ATP2C2: variants seen among roughly 807,000 people sequenced by gnomAD.
ATP2C2 encodes ATPase secretory pathway Ca2+ transporting 2.
Under a neutral mutation model 110.8 loss-of-function variants are expected in ATP2C2, and 171 were observed. That is an observed-to-expected ratio of 1.54 (90% CI 1.36 to 1.75). The LOEUF (loss-of-function observed/expected upper bound fraction) is 1.75. ATP2C2 is among the 40% of genes most tolerant of loss of function. ATP2C2 has a pLI of 0.00. For synonymous variants in ATP2C2, 804 were observed against 508.4 expected (o/e 1.58, Z -7.82); for missense variants, 1,963 against 1,235.0 (o/e 1.59, Z -8.84).
rs563419633 is a variant in ATP2C2 at position 84,460,758 on chromosome 16, C to T, written c.2438C>T (p.Ala813Val). 161 of 1,614,056 alleles carry T rather than the reference C, an allele frequency of 1.0e-4. 3 individuals carry two copies. The South Asian group carries it at 1.2e-3, about 12-fold the overall frequency. Reference protein sequence around the residue: ...RALILKILMSAAIIISGTLFI... With the variant: ...RALILKILMSVAIIISGTLFI... ...CTCATCCTGAAGATCCTCATGTCCG[C>T]GGCCATCATCATCAGCGGGACCCTC... The change falls in exon 24 of 27, where the codon GCG (alanine) becomes GTG (valine). Residue 813 changes from alanine (A) to valine (V), a missense_variant. By Grantham distance (64) the Ala-to-Val change is moderately conservative (BLOSUM62 0). Transcript: ENST00000262429.
At chr16:84,450,732 C>T (rs919873549) in intron 17 of ATP2C2, among the ~76,000 whole-genome samples, 5 of 152,076 alleles carry the variant, frequency 3.3e-5, no homozygotes, top group African/African-American at 1.2e-4. Flanking sequence ...AGGAGCTGGG[C>T]CTGGCTTCTG....
At chr16:84,376,941 C>A (rs1229228264) in intron 1 of ATP2C2, among the ~76,000 whole-genome samples, 1 of 152,244 alleles carries the variant, frequency 6.6e-6, no homozygotes, top group Non-Finnish European at 1.5e-5. Context: ...GATACCTCCC[C>A]TGTGGACTGT....
chr16:84,376,781 T>G (rs1349991467), intron 1 of ATP2C2, among the ~76,000 whole-genome samples: 1 of 152,194 alleles, frequency 6.6e-6, no homozygotes, highest in Non-Finnish European at 1.5e-5. Flanking sequence ...TCAGATCCAA[T>G]GATTACGCAT....
chr16:84,448,389 T>G (rs247891), intron 16 of ATP2C2, 144 bp from the exon 17 acceptor site: 2 of 1,046,480 alleles, frequency 1.9e-6, no homozygotes, highest in Non-Finnish European at 2.7e-6. Context: ...GTCCAGCACC[T>G]GTGAACAGCA....
chr16:84,398,437 A>C, intron 1 of ATP2C2, 62 bp from the exon 2 acceptor site: 1 of 994,272 alleles, frequency 1.0e-6, no homozygotes. Context: ...TAAAAAATAA[A>C]TTTAAAAATT....
Position 84,424,173 on chromosome 16 carries a change from C to T in ATP2C2, c.919+910C>T, listed in dbSNP as rs1597809846. The stretch of plus-strand genomic sequence containing the variant: ...GTGAGTGTAGCCAAAACTGCGAAGC[C>T]AGAGAACAGTCTTGAGAGAAACAGC... On this transcript the variant is annotated intron_variant, in intron 10 of 26. Transcript: ENST00000262429. 3.3e-5 allele frequency among the ~76,000 whole-genome samples: 5 copies of T among 152,344 alleles called. No individual in the cohort carries two copies. In the South Asian group the frequency reaches 1.0e-3, roughly 32 times the overall value.
chr16:84,432,200 A>G (rs925522718), intron 11 of ATP2C2, among the ~76,000 whole-genome samples: 1 of 152,094 alleles, frequency 6.6e-6, no homozygotes, highest in African/African-American at 2.4e-5. Flanking sequence ...TGAGATTTTC[A>G]TGCACCCATC....
chr16:84,414,553 G>C (rs1013350173), intron 6 of ATP2C2, among the ~76,000 whole-genome samples: 48 of 152,346 alleles, frequency 3.2e-4, no homozygotes, highest in East Asian at 1.9e-4. Flanking sequence ...TCTCGGGCCA[G>C]TGTTGCATGA....
chr16:84,414,828 C>T (rs552348628), intron 6 of ATP2C2, among the ~76,000 whole-genome samples: 1 of 152,150 alleles, frequency 6.6e-6, no homozygotes, highest in East Asian at 1.9e-4. Flanking sequence ...AGTTTGGTAC[C>T]AGGGTCATGG....
chr16:84,382,560 A>C (rs1437501749), intron 1 of ATP2C2, among the ~76,000 whole-genome samples: 1 of 152,162 alleles, frequency 6.6e-6, no homozygotes, highest in African/African-American at 2.4e-5. Flanking sequence ...TGTTCAGCTC[A>C]ACACCATTGC....
Position 84,464,008 on chromosome 16 carries a change from T to G in ATP2C2, c.*276T>G, listed in dbSNP as rs1256116073. The G allele has an allele frequency of 6.0e-6, 2 of 335,092 alleles. No individual in the cohort carries two copies. The highest frequency in any genetic ancestry group is 5.7e-5 in the East Asian group (1 of 17,568). The allele number at this position is 335,092 out of a possible 1,614,324, so 20.8% of individuals were successfully genotyped here. Reference sequence around the variant, plus strand: ...ATCACAATGATTTTTATTAACCATGTCTAACTACGTATCTGTGCCACAGCT... The same window carrying G: ...ATCACAATGATTTTTATTAACCATGGCTAACTACGTATCTGTGCCACAGCT... On this transcript the variant is annotated 3_prime_UTR_variant, in exon 27 of 27. Transcript: ENST00000262429.
intron 2 of ATP2C2, among the ~76,000 whole-genome samples, chr16:84,402,488 G>C (rs972521340): frequency 6.6e-6 from 1 of 151,950 alleles, no homozygotes; most frequent in African/African-American, 2.4e-5. Context: ...TCTATACCTA[G>C]TTTTTTTAGG....
At chr16:84,396,200 T>C (rs2151413828) in intron 1 of ATP2C2, among the ~76,000 whole-genome samples, 1 of 150,780 alleles carries the variant, frequency 6.6e-6, no homozygotes, top group East Asian at 2.0e-4. Flanking sequence ...CTGGAATCTC[T>C]GCAAGTGTTT....
intron 18 of ATP2C2, among the ~76,000 whole-genome samples, chr16:84,452,496 A>AT (rs1910378884): frequency 1.5e-5 from 1 of 66,494 alleles, no homozygotes; most frequent in African/African-American, 5.5e-5. Context: ...TCCTCTAGTT[A>AT]CTTTTTTTTT....
At chr16:84,435,940 C>T (rs1409052374) in intron 11 of ATP2C2, among the ~76,000 whole-genome samples, 1 of 152,186 alleles carries the variant, frequency 6.6e-6, no homozygotes, top group Admixed American at 6.5e-5. Context: ...ACCAGCCTGG[C>T]CAACATGGTG....
intron 11 of ATP2C2, 196 bp from the exon 12 acceptor site, chr16:84,438,970 T>G: frequency 4.7e-6 from 3 of 637,622 alleles, no homozygotes; most frequent in Non-Finnish European, 5.1e-6. Flanking sequence ...AAGAGCGGGG[T>G]CTGCAGGGGA....
intron 11 of ATP2C2, among the ~76,000 whole-genome samples, chr16:84,427,881 G>A (rs909796814): frequency 9.2e-5 from 14 of 152,200 alleles, no homozygotes; most frequent in South Asian, 4.2e-4. Context: ...ATAGGTGCAC[G>A]ACTCTGCATA....
chr16:84,390,902 T>C (rs1904616801), intron 1 of ATP2C2, among the ~76,000 whole-genome samples: 1 of 151,858 alleles, frequency 6.6e-6, no homozygotes, highest in Non-Finnish European at 1.5e-5. Context: ...TCACCTGAGG[T>C]CAGGAGTTTG....
At chr16:84,461,077 G>GGA in intron 24 of ATP2C2, 1 of 421,640 alleles carries the variant, frequency 2.4e-6, no homozygotes, top group East Asian at 4.1e-5. Context: ...TGTACATGAG[G>GGA]ACAGGCTGCC....
Sources: allele counts gnomAD v4.1 joint callset (sites outside exome capture counted in the v4.1 genomes callset), GRCh38; gene constraint gnomAD v4.1.1; transcripts MANE v1.5; gene names NCBI Gene and HGNC (gene_info 2026-07-23, HGNC 2026-07-21).